WDR87: variants seen among roughly 807,000 people sequenced by gnomAD.
WDR87 encodes the protein WD repeat-containing protein 87.
Under a neutral mutation model 83.3 loss-of-function variants are expected in WDR87, and 56 were observed. The observed-to-expected ratio is 0.67, with a 90% confidence interval of 0.54 to 0.84. The LOEUF (loss-of-function observed/expected upper bound fraction) is 0.84, where lower values mean the gene tolerates loss of function less well. Ranked by LOEUF, WDR87 falls within the 40% of genes least tolerant of loss-of-function variation. WDR87 has a pLI of 0.00. For synonymous variants in WDR87, 1,173 were observed against 1,250.6 expected (o/e 0.94, Z 1.31); for missense variants, 2,939 against 3,431.9 (o/e 0.86, Z 3.59).
rs772722120 is a variant in WDR87, at chr19:37,893,699, ACT to A, written c.2002_2003del (p.Tyr670ProfsTer24). The A allele has an allele frequency of 3.4e-5, 53 of 1,551,684 alleles. No homozygotes were observed. The highest frequency in any genetic ancestry group is 4.4e-5 in the Non-Finnish European group (50 of 1,147,076). On this transcript the variant is annotated frameshift_variant, in exon 4 of 6. Coordinates refer to ENST00000447313, the MANE Select transcript of WDR87 (RefSeq NM_001291088.2). LOFTEE classifies it high-confidence loss of function. ...RGDLLVTFNQ[S>X]LYLVSCLKLL... The stretch of plus-strand genomic sequence containing the variant: ...ATTTTAAACAGGACACTAGGTAAAG[ACT>A]CTGGTTAAAAGTCACAAGCAGGTCA...
At chr19:37,890,516 C>CT (rs202216104) in intron 5 of WDR87, among the ~76,000 whole-genome samples, 18 of 150,884 alleles carry the variant, frequency 1.2e-4, no homozygotes, top group African/African-American at 3.2e-4. Context: ...CTTAGAAAGT[C>CT]TTTTTTTTTC....
At position 37,889,005 on chromosome 19, in the gene WDR87, TC is replaced by T. The variant is rs2046178354; in HGVS notation, c.4665del (p.Lys1556AsnfsTer28). ...CAGACTTGTTTCCACTCCTCCCATTTCAGCTTCTTGTCCTCCTGAAGCATTT... is the reference window on the plus strand; with the variant it reads ...CAGACTTGTTTCCACTCCTCCCATTTAGCTTCTTGTCCTCCTGAAGCATTT... ...EEEMLQEDKK[L>X]KWEEWKQVWE... is the part of the protein sequence containing the mutation. On this transcript the variant is annotated frameshift_variant, in exon 6 of 6. Transcript: ENST00000447313. LOFTEE classifies it low-confidence loss of function (END_TRUNC). 1.3e-6 allele frequency: 2 copies of T among 1,552,082 alleles called. No homozygotes were observed. Among genetic ancestry groups the T allele is most frequent in the Non-Finnish European group, 1.7e-6 (2 of 1,147,094 alleles).
intron 1 of WDR87, among the ~76,000 whole-genome samples, chr19:37,903,584 C>A (rs2046305343): frequency 6.6e-6 from 1 of 152,142 alleles, no homozygotes; most frequent in Non-Finnish European, 1.5e-5. Flanking sequence ...GGCTGGAGTG[C>A]AGTGGCATGA....
At chr19:37,898,752 G>T (rs2046274723) in intron 1 of WDR87, among the ~76,000 whole-genome samples, 1 of 152,172 alleles carries the variant, frequency 6.6e-6, no homozygotes, top group Non-Finnish European at 1.5e-5. Context: ...CTGTTTGTAG[G>T]CTGGCCTAGT....
chr19:37,888,683 GT>G lies in WDR87; in HGVS notation c.4987del (p.Thr1663ProfsTer28). The G allele has an allele frequency of 6.4e-7, 1 of 1,551,528 alleles. No individual in the cohort carries two copies. Among genetic ancestry groups the G allele is most frequent in the Non-Finnish European group, 8.7e-7 (1 of 1,146,948 alleles). ...RKLAQAYVKI[T>X]QDDREMAQAE... Reference sequence around the variant, plus strand: ...CTGGGCCATTTCCCTGTCATCCTGGGTTATTTTCACGTATGCCTGGGCCAGT... The same window carrying G: ...CTGGGCCATTTCCCTGTCATCCTGGGTATTTTCACGTATGCCTGGGCCAGT... On this transcript the variant is annotated frameshift_variant, in exon 6 of 6. Coordinates refer to ENST00000447313, the MANE Select transcript of WDR87 (RefSeq NM_001291088.2). LOFTEE classifies it low-confidence loss of function (END_TRUNC).
chr19:37,886,286 A>T lies in WDR87; in HGVS notation c.7385T>A (p.Val2462Asp), dbSNP rs1217191460. 6.4e-7 allele frequency: 1 copy of T among 1,551,568 alleles called. No individual in the cohort carries two copies. Among genetic ancestry groups the T allele is most frequent in the Non-Finnish European group, 8.7e-7 (1 of 1,147,006 alleles). The change falls in exon 6 of 6, where the codon GTT (valine) becomes GAT (aspartate). Residue 2462 changes from valine to aspartate, a missense_variant. Transcript: ENST00000447313. ...CCCTAAGAATTTCCTGGGTATTTCA[A>T]CTACTGTGGCCTTTTTATCTTCCCA... is the stretch of plus-strand genomic sequence containing the variant. ...ISWEDKKATV[V>D]EIPRKFLGTM...
At chr19:37,906,292 T>C (rs1348873425) in intron 1 of WDR87, among the ~76,000 whole-genome samples, 2 of 152,092 alleles carry the variant, frequency 1.3e-5, no homozygotes, top group African/African-American at 4.8e-5. Context: ...CTAGTTACCC[T>C]CAGGAATGTG....
At position 37,890,196 on chromosome 19, in the gene WDR87, C is replaced by T. The variant is rs866601746; in HGVS notation, c.3475G>A (p.Asp1159Asn). The change falls in exon 6 of 6, where the codon GAT becomes AAT. Residue 1159 changes from aspartate (D) to asparagine (N), a missense_variant. Coordinates refer to ENST00000447313, the MANE Select transcript of WDR87 (RefSeq NM_001291088.2). Reference sequence around the variant, plus strand: ...GGTGCGGCCTCAGTCCCACTTTCATCCTCTAAGAGGCCTGGCTCTGTGCTC... The same window carrying T: ...GGTGCGGCCTCAGTCCCACTTTCATTCTCTAAGAGGCCTGGCTCTGTGCTC... The part of the protein sequence containing the change: ...QMSTEPGLLE[D>N]ESGTEAAPIE... 1 of 1,551,762 alleles carries T rather than the reference C, an allele frequency of 6.4e-7. No individual in the cohort carries two copies. Among genetic ancestry groups the T allele is most frequent in the African/African-American group, 1.4e-5 (1 of 73,160 alleles).
intron 2 of WDR87, among the ~76,000 whole-genome samples, 162 bp downstream of exon 2, chr19:37,898,003 C>T (rs2046269702): frequency 6.6e-6 from 1 of 152,176 alleles, no homozygotes; most frequent in African/African-American, 2.4e-5. Context: ...AAGTCTGTGA[C>T]TCATGGAAAT....
chr19:37,894,813 G>A lies in WDR87; in HGVS notation c.890C>T (p.Thr297Ile). 1 of 1,551,726 alleles carries A rather than the reference G, an allele frequency of 6.4e-7. No homozygotes were observed. The highest frequency in any genetic ancestry group is 2.4e-5 in the East Asian group (1 of 40,916). ...GCTGTCACTACCAGCTGTTAGCAGGGTGTGGGCCTCTGGTCGGCTGCGGAT... is the reference window on the plus strand; with the variant it reads ...GCTGTCACTACCAGCTGTTAGCAGGATGTGGGCCTCTGGTCGGCTGCGGAT... The part of the protein sequence containing the change: ...ICIRSRPEAH[T>I]LLTAGSDSLI... The change falls in exon 4 of 6, where the codon ACC (threonine) becomes ATC (isoleucine). Residue 297 changes from threonine to isoleucine, a missense_variant. Thr to Ile is a moderately conservative substitution (Grantham distance 89, BLOSUM62 -1). This residue lies in a region of WDR87 where 553 missense variants were observed against 577.9 expected (regional missense o/e 0.96). Coordinates refer to ENST00000447313, the MANE Select transcript of WDR87 (RefSeq NM_001291088.2).
rs752623822 is a variant in WDR87 at position 37,896,323 on chromosome 19, G to A, written c.76-15C>T. ...TCCGAAGGTTGCTGGAGAGAGGCGT[G>A]GCATAAACTAAGAGGCCAGGGCACA... On this transcript the variant is annotated splice_polypyrimidine_tract_variant and intron_variant, in intron 2 of 5. Transcript: ENST00000447313. 12 of 1,550,092 alleles carry A rather than the reference G, an allele frequency of 7.7e-6. No individual in the cohort carries two copies. The South Asian group carries it at 1.4e-4, about 18-fold the overall frequency.
rs1039358754 is a variant in WDR87, at chr19:37,889,342, C to T, written c.4329G>A (p.Arg1443=). 1 of 1,552,008 alleles carries T rather than the reference C, an allele frequency of 6.4e-7. No homozygotes were observed. Among genetic ancestry groups the T allele is most frequent in the Non-Finnish European group, 8.7e-7 (1 of 1,147,086 alleles). The change falls in exon 6 of 6, where the codon AGG becomes AGA. Residue 1443 remains arginine, a synonymous_variant. Coordinates refer to ENST00000447313, the MANE Select transcript of WDR87 (RefSeq NM_001291088.2). ...KTFQKSPKQG[R]KAVQKERKVG... is the part of the protein sequence containing the mutation. ...CTTTTCTTTCCTTCTGGACAGCTTT[C>T]CTCCCTTGCTTAGGTGACTTCTGAA...
chr19:37,896,424 ACTC>A, intron 2 of WDR87, 116 bp from the exon 3 acceptor site: 1 of 1,054,404 alleles, frequency 9.5e-7, no homozygotes, highest in Admixed American at 2.9e-5. Flanking sequence ...CGAAGGACCT[ACTC>A]CTGTTACACT....
intron 3 of WDR87, among the ~76,000 whole-genome samples, chr19:37,895,731 C>T (rs2145435248): frequency 7.3e-6 from 1 of 137,256 alleles, no homozygotes; most frequent in East Asian, 2.2e-4. Context: ...TGCGCCACTG[C>T]ACTCCAGCCT....
At chr19:37,898,106 T>G in intron 2 of WDR87, 59 bp downstream of exon 2, 1 of 1,539,898 alleles carries the variant, frequency 6.5e-7, no homozygotes, top group South Asian at 1.2e-5. Flanking sequence ...GAAATGCTCA[T>G]GACTGTAAGA....
Position 37,887,555 on chromosome 19 carries a change from T to C in WDR87, c.6116A>G (p.Gln2039Arg). The C allele has an allele frequency of 6.4e-7, 1 of 1,551,868 alleles. No homozygotes were observed. The highest frequency in any genetic ancestry group is 1.2e-5 in the South Asian group (1 of 84,066). ...PETSRQRKMT[Q>R]VEQELFERKL... ...TCTCTCAAATAGTTCTTGTTCAACT[T>C]GAGTCATTTTCCTTTGTCTAGAAGT... The change falls in exon 6 of 6, where the codon CAA becomes CGA. Residue 2039 changes from glutamine (Q) to arginine (R), a missense_variant. By Grantham distance (43) the Gln-to-Arg change is conservative. Transcript: ENST00000447313.
intron 1 of WDR87, among the ~76,000 whole-genome samples, chr19:37,899,196 A>G (rs1434920544): frequency 6.6e-6 from 1 of 152,034 alleles, no homozygotes; most frequent in African/African-American, 2.4e-5. Context: ...AGGAGGATAG[A>G]TCACCTGAGG....
chr19:37,901,202 G>A (rs1420998260), intron 1 of WDR87, among the ~76,000 whole-genome samples: 3 of 151,834 alleles, frequency 2.0e-5, no homozygotes, highest in Non-Finnish European at 4.4e-5. Context: ...GGAGGCTGAG[G>A]TGGGTGGATC....
intron 1 of WDR87, among the ~76,000 whole-genome samples, chr19:37,904,766 A>G (rs1418343920): frequency 6.6e-6 from 1 of 152,224 alleles, no homozygotes; most frequent in Non-Finnish European, 1.5e-5. Context: ...ATTTCCCAAC[A>G]GTTACTAGCT....
Sources: gnomAD v4.1 joint callset for allele counts (sites outside exome capture counted in the v4.1 genomes callset) on GRCh38, gnomAD v4.1.1 for gene constraint, gnomAD v4.1.1 regional missense constraint, MANE v1.5 for transcripts, NCBI Gene and HGNC (gene_info 2026-07-23, HGNC 2026-07-21) for gene names.